PLEKHG4B: variants seen among roughly 807,000 people sequenced by gnomAD.
The protein encoded by PLEKHG4B is pleckstrin homology domain-containing family G member 4B.
PLEKHG4B carries 111 observed loss-of-function variants against 121.3 expected under a neutral mutation model. The observed-to-expected ratio is 0.92, with a 90% CI of 0.78 to 1.07. The LOEUF is 1.07. Among genes scored for constraint, PLEKHG4B ranks in the 50% least tolerant of loss-of-function variants. PLEKHG4B has a pLI of 0.00. For synonymous variants in PLEKHG4B, 738 were observed against 725.0 expected (o/e 1.02, Z -0.29); for missense variants, 1,831 against 1,757.8 (o/e 1.04, Z -0.74).
chr5:116,269 A>G (rs953896263), intron 2 of PLEKHG4B, among the ~76,000 whole-genome samples: 1 of 152,220 alleles, frequency 6.6e-6, no homozygotes, highest in African/African-American at 2.4e-5. Flanking sequence ...ATGTTTATTG[A>G]TTAAGTTTGC....
In PLEKHG4B at chr5:140,077, C is replaced by G; in HGVS notation, c.838C>G (p.Leu280Val). The G allele has an allele frequency of 4.2e-6, 2 of 471,014 alleles. No homozygotes were observed. The highest frequency in any genetic ancestry group is 7.4e-6 in the Non-Finnish European group (2 of 269,862). 29.2% of individuals were successfully genotyped at this position (471,014 alleles called of 1,614,324 possible). Residue 280 changes from leucine (L) to valine (V), a missense_variant, in exon 3 of 20, where the codon CTG (leucine) becomes GTG (valine). Coordinates refer to ENST00000637938, the MANE Select transcript of PLEKHG4B (RefSeq NM_052909.5). ...ERAELGSPRT[L>V]SGSSDRDFEK... Reference sequence around the variant, plus strand: ...AGCCGAGCTGGGAAGCCCCAGGACCCTGTCTGGAAGCTCAGACAGGGACTT... The same window carrying G: ...AGCCGAGCTGGGAAGCCCCAGGACCGTGTCTGGAAGCTCAGACAGGGACTT...
At chr5:153,852 A>G (rs972052959) in intron 7 of PLEKHG4B, among the ~76,000 whole-genome samples, 1 of 151,796 alleles carries the variant, frequency 6.6e-6, no homozygotes, top group Admixed American at 6.6e-5. Context: ...ACGCTCCACT[A>G]ATTTTTGTAT....
rs1383578999 is a variant in PLEKHG4B at position 157,562 on chromosome 5, CTG to C, written c.2487+652_2487+653del. Among the ~76,000 whole-genome samples, 1 of 152,070 alleles carries C rather than the reference CTG, an allele frequency of 6.6e-6. No homozygotes were observed. The highest frequency in any genetic ancestry group is 1.5e-5 in the Non-Finnish European group (1 of 68,022). On this transcript the variant is annotated intron_variant, in intron 11 of 19. Transcript: ENST00000637938. The surrounding 1 kb of genome is among the most constrained non-coding windows in gnomAD (Gnocchi z 4.6). ...GCCCTTGGTGGACACACTGCAGAAT[CTG>C]GGGTCCATATAGCAGTGGCTCTGAA... is the stretch of plus-strand genomic sequence containing the variant.
At position 173,991 on chromosome 5, in the gene PLEKHG4B, G is replaced by T. The variant is rs4956987; in HGVS notation, c.4295G>T (p.Arg1432Leu). The T allele has an allele frequency of 6.2e-7, 1 of 1,609,684 alleles. No individual in the cohort carries two copies. The highest frequency in any genetic ancestry group is 8.5e-7 in the Non-Finnish European group (1 of 1,178,456). ...LRFEIWFRRR[R>L]KSQDTYILQA... ...TTTGAGATTTGGTTTCGCAGGCGGC[G>T]GAAATCTCAGGACACCTACATTCTC... The change falls in exon 18 of 20, where the codon CGG becomes CTG. Residue 1432 changes from arginine to leucine, a missense_variant. Coordinates refer to ENST00000637938, the MANE Select transcript of PLEKHG4B (RefSeq NM_052909.5).
rs1733715424 is a variant in PLEKHG4B at position 189,110 on chromosome 5, C to CGCCCATAATGGGCCCT, written c.*6792_*6807dup. 6.6e-6 allele frequency: 1 copy of CGCCCATAATGGGCCCT among 152,372 alleles called. No homozygotes were observed. The highest frequency in any genetic ancestry group is 1.5e-5 in the Non-Finnish European group (1 of 68,136). 9.4% of individuals were successfully genotyped at this position (152,372 alleles called of 1,614,324 possible). ...AGCATTGCCGTTCGGGGCCTGCAGT[C>CGCCCATAATGGGCCCT]GCCCATAATGGGCCCTGCCCCCTAG... On this transcript the variant is annotated 3_prime_UTR_variant, in exon 20 of 20. Transcript: ENST00000637938.
intron 18 of PLEKHG4B, among the ~76,000 whole-genome samples, chr5:177,195 A>C (rs76263886): frequency 0.01 from 1,586 of 151,934 alleles, 27 homozygotes; most frequent in African/African-American, 0.032. Flanking sequence ...TAATTTCTTG[A>C]GGTGGATGCT....
intron 13 of PLEKHG4B, among the ~76,000 whole-genome samples, chr5:166,461 A>C (rs62344148): frequency 9.6e-5 from 4 of 41,638 alleles, no homozygotes; most frequent in Admixed American, 2.1e-4. Flanking sequence ...GACGGGGCGG[A>C]GCTCACACTA....
Position 137,742 on chromosome 5 carries a change from A to G in PLEKHG4B, c.244-1741A>G, listed in dbSNP as rs1412158789. On this transcript the variant is annotated intron_variant, in intron 2 of 19. Coordinates refer to ENST00000637938, the MANE Select transcript of PLEKHG4B (RefSeq NM_052909.5). The surrounding 1 kb of genome is among the most constrained non-coding windows in gnomAD (Gnocchi z 4.2). ...CTTGTGCATTTTACGTCAAATCACC[A>G]CTTCACAGGAACATGCCCTGGGCAC... 6.6e-6 allele frequency among the ~76,000 whole-genome samples: 1 copy of G among 152,208 alleles called. No homozygotes were observed. Among genetic ancestry groups the G allele is most frequent in the African/African-American group, 2.4e-5 (1 of 41,442 alleles).
At chr5:168,966 C>T (rs972894325) in intron 13 of PLEKHG4B, 1 of 239,384 alleles carries the variant, frequency 4.2e-6, no homozygotes, top group Non-Finnish European at 8.1e-6. Context: ...GCATCCGCCT[C>T]CCAGGTTCAA....
chr5:137,755 A>G lies in PLEKHG4B; in HGVS notation c.244-1728A>G, dbSNP rs1735025636. 6.6e-6 allele frequency among the ~76,000 whole-genome samples: 1 copy of G among 152,216 alleles called. No homozygotes were observed. Among genetic ancestry groups the G allele is most frequent in the African/African-American group, 2.4e-5 (1 of 41,448 alleles). On this transcript the variant is annotated intron_variant, in intron 2 of 19. Coordinates refer to ENST00000637938, the MANE Select transcript of PLEKHG4B (RefSeq NM_052909.5). This position sits in a 1 kb window ranked among gnomAD's most constrained non-coding sequence, Gnocchi z 4.2. ...CGTCAAATCACCACTTCACAGGAAC[A>G]TGCCCTGGGCACCAATATGGCTGTG...
intron 13 of PLEKHG4B, chr5:169,078 G>A (rs2126451396): frequency 2.1e-6 from 1 of 472,534 alleles, no homozygotes; most frequent in South Asian, 2.4e-5. Context: ...GTTTCACCAT[G>A]TTGGCCAGGC....
At position 110,635 on chromosome 5, in the gene PLEKHG4B, G is replaced by A. The variant is rs369943165; in HGVS notation, c.46-2616G>A. ...ACACACCGGCCACTCTGCAACACAC[G>A]TGCACACATCCACACAATCTGCAAC... On this transcript the variant is annotated intron_variant, in intron 1 of 19. Transcript: ENST00000637938. Among the ~76,000 whole-genome samples the A allele has an allele frequency of 9.5e-3, 1,176 of 123,314 alleles. 23 individuals are homozygous for A. Among genetic ancestry groups the A allele is most frequent in the Admixed American group, 0.062 (768 of 12,296 alleles). The allele number at this position is 123,314 out of a possible 152,430, so 80.9% of individuals were successfully genotyped here. A position where few individuals can be genotyped will look rare whatever the true frequency, so the allele number is the denominator to read the frequency against.
Position 156,706 on chromosome 5 carries a change from G to A in PLEKHG4B, c.2349-67G>A. On this transcript the variant is annotated intron_variant, in intron 10 of 19. Transcript: ENST00000637938. The surrounding 1 kb of genome is among the most constrained non-coding windows in gnomAD (Gnocchi z 4.4). ...GGAAAGAGCAGGGTTTTTATATGGG[G>A]TTGTCACCAAGAGCAGATTCCTCAA... 1.3e-6 allele frequency: 2 copies of A among 1,497,092 alleles called. No homozygotes were observed. The highest frequency in any genetic ancestry group is 1.8e-6 in the Non-Finnish European group (2 of 1,117,796). The allele number at this position is 1,497,092 out of a possible 1,614,324, so 92.7% of individuals were successfully genotyped here. A position where few individuals can be genotyped will look rare whatever the true frequency, so the allele number is the denominator to read the frequency against.
chr5:123,044 T>C (rs182934886), intron 2 of PLEKHG4B, among the ~76,000 whole-genome samples: 1 of 152,330 alleles, frequency 6.6e-6, no homozygotes, highest in East Asian at 1.9e-4. Flanking sequence ...ACAACGTTAA[T>C]AATAAACTTG....
intron 1 of PLEKHG4B, among the ~76,000 whole-genome samples, chr5:99,170 GTA>G (rs534174768): frequency 0.025 from 2,504 of 100,040 alleles, 29 homozygotes; most frequent in African/African-American, 0.041. Context: ...AAAAAAAAGT[GTA>G]TATATATATA....
In PLEKHG4B at chr5:162,597, CCT is replaced by C. The variant is rs1249617976; in HGVS notation, c.2650-121_2650-120del. ...CAGCCCCCACTGGGTGGCGGGACTGCCTCTCGCTCTGCTTTCTGGCCCCCTGG... is the reference window on the plus strand; with the variant it reads ...CAGCCCCCACTGGGTGGCGGGACTGCCTCGCTCTGCTTTCTGGCCCCCTGG... On this transcript the variant is annotated intron_variant, in intron 12 of 19. Transcript: ENST00000637938. 1.1e-4 allele frequency: 73 copies of C among 673,624 alleles called. 1 individual carries two copies. Among genetic ancestry groups the C allele is most frequent in the Non-Finnish European group, 6.8e-5 (31 of 458,784 alleles). 41.7% of individuals were successfully genotyped at this position (673,624 alleles called of 1,614,324 possible).
At chr5:143,536 C>G (rs756974149) in intron 5 of PLEKHG4B, 33 bp downstream of exon 5, 1 of 1,604,390 alleles carries the variant, frequency 6.2e-7, no homozygotes, top group East Asian at 2.2e-5. Context: ...ACCCTGCAGA[C>G]CCATGGGACC....
In PLEKHG4B at chr5:140,187, C is replaced by T. The variant is rs1477896685; in HGVS notation, c.948C>T (p.Asp316=). ...GGSGERPDPM[D]QEDRPKALTF... is the part of the protein sequence containing the mutation. ...CGGGGGAGAGGCCGGACCCCATGGA[C>T]CAGGAGGACAGACCCAAGGCCCTCA... The change falls in exon 3 of 20, where the codon GAC becomes GAT. Residue 316 remains aspartate (D), a synonymous_variant. Transcript: ENST00000637938. The T allele has an allele frequency of 2.8e-6, 3 of 1,075,452 alleles. No individual in the cohort carries two copies. Among genetic ancestry groups the T allele is most frequent in the Non-Finnish European group, 3.9e-6 (3 of 765,338 alleles). 66.6% of individuals were successfully genotyped at this position (1,075,452 alleles called of 1,614,324 possible). A position where few individuals can be genotyped will look rare whatever the true frequency, so the allele number is the denominator to read the frequency against.
intron 12 of PLEKHG4B, 143 bp downstream of exon 12, chr5:162,087 T>C: frequency 2.8e-6 from 3 of 1,089,244 alleles, no homozygotes; most frequent in South Asian, 3.3e-5. Flanking sequence ...CCCTGGCCAC[T>C]GCGCCCACGG....
Sources: allele counts gnomAD v4.1 joint callset (sites outside exome capture counted in the v4.1 genomes callset), GRCh38; gene constraint gnomAD v4.1.1; non-coding constraint Gnocchi (gnomAD v3.1); transcripts MANE v1.5; gene names NCBI Gene and HGNC (gene_info 2026-07-23, HGNC 2026-07-21).